The following RUFY3 variants were observed in gnomAD, a reference collection of about 807,000 sequenced individuals.
The protein encoded by RUFY3 is RUN and FYVE domain containing 3.
Under a neutral mutation model 84.0 loss-of-function variants are expected in RUFY3, and 34 were observed. The observed-to-expected ratio is 0.40, with a 90% CI of 0.31 to 0.54. The LOEUF (loss-of-function observed/expected upper bound fraction) is 0.54. Ranked by LOEUF, RUFY3 falls within the 20% of genes least tolerant of loss-of-function variation. RUFY3 has a pLI of 0.39. For missense variants in RUFY3, 507 were observed against 736.8 expected, an observed-to-expected ratio of 0.69 and a Z score of 3.61; for synonymous variants, 242 against 252.9, an observed-to-expected ratio of 0.96 and a Z score of 0.41.
intron 4 of RUFY3, among the ~76,000 whole-genome samples, chr4:70,766,886 T>G (rs1241675960): frequency 1.3e-5 from 2 of 152,206 alleles, no homozygotes; most frequent in Non-Finnish European, 2.9e-5. Context: ...GCTCCACCTA[T>G]TCATCTCTCT....
At position 70,800,124 on chromosome 4, in the gene RUFY3, C is replaced by T; in HGVS notation, c.1558-17C>T. 1 of 1,596,772 alleles carries T rather than the reference C, an allele frequency of 6.3e-7. No individual in the cohort carries two copies. Among genetic ancestry groups the T allele is most frequent in the Non-Finnish European group, 8.5e-7 (1 of 1,174,650 alleles). On this transcript the variant is annotated splice_polypyrimidine_tract_variant and intron_variant, in intron 14 of 17. Coordinates refer to ENST00000381006, the MANE Select transcript of RUFY3 (RefSeq NM_001037442.4). ...CATTCTGAATAATTAATAAATTGGG[C>T]TGTTTTCTTTTGGCAGGATGGGAAG...
chr4:70,730,694 G>A (rs1222223198), intron 1 of RUFY3, among the ~76,000 whole-genome samples: 2 of 152,056 alleles, frequency 1.3e-5, no homozygotes, highest in African/African-American at 4.8e-5. Flanking sequence ...AGCCGAGATT[G>A]CACCACCGCA....
At chr4:70,780,746 C>T (rs1007607151) in intron 8 of RUFY3, among the ~76,000 whole-genome samples, 11 of 152,206 alleles carry the variant, frequency 7.2e-5, no homozygotes, top group African/African-American at 2.4e-4. Context: ...CAGTACCTAA[C>T]ACATCATAAG....
Position 70,782,066 on chromosome 4 carries a change from A to C in RUFY3, c.895-1025A>C, listed in dbSNP as rs139838392. On this transcript the variant is annotated intron_variant, in intron 8 of 17. Transcript: ENST00000381006. ...TTTTAGCATGAGAACTTTGGAGTTC[A>C]TGTCTTTAATCTTTTAAGAAATCAT... Among the ~76,000 whole-genome samples, 75 of 152,262 alleles carry C rather than the reference A, an allele frequency of 4.9e-4. 1 individual carries two copies. The highest frequency in any genetic ancestry group is 1.7e-3 in the African/African-American group (72 of 41,550).
At chr4:70,778,573 CTTTTTTTTTTTT>C in intron 8 of RUFY3, 135 bp downstream of exon 8, 7 of 149,738 alleles carry the variant, frequency 4.7e-5, no homozygotes, top group South Asian at 2.1e-4. Flanking sequence ...ACTTCTTATT[CTTTTTTTTTTTT>C]TTTTTTTTTT....
At chr4:70,800,310 TTATAA>T in intron 15 of RUFY3, 105 bp downstream of exon 15, 1 of 730,402 alleles carries the variant, frequency 1.4e-6, no homozygotes, top group Non-Finnish European at 2.2e-6. Context: ...AGACACTGAC[TTATAA>T]TATTAATATG....
intron 4 of RUFY3, among the ~76,000 whole-genome samples, 185 bp downstream of exon 4, chr4:70,764,761 G>T (rs577099742): frequency 1.3e-5 from 2 of 152,258 alleles, no homozygotes; most frequent in South Asian, 4.1e-4. Flanking sequence ...TGTGTGTTCT[G>T]TCTGTCACTG....
chr4:70,725,391 C>T (rs1036088123), intron 1 of RUFY3, among the ~76,000 whole-genome samples: 7 of 150,458 alleles, frequency 4.7e-5, no homozygotes, highest in Non-Finnish European at 1.0e-4. Flanking sequence ...AGTGCAATGG[C>T]GCAATCTTGG....
chr4:70,796,914 G>T (rs1364918551), intron 14 of RUFY3, among the ~76,000 whole-genome samples: 2 of 151,220 alleles, frequency 1.3e-5, no homozygotes. Context: ...ATATTACTCT[G>T]ATAGGGGCTC....
upstream of RUFY3, chr4:70,721,924 G>A (rs1742348636): frequency 4.1e-6 from 5 of 1,231,614 alleles, no homozygotes; most frequent in African/African-American, 1.6e-5. Flanking sequence ...CTTGCCCTAC[G>A]TTCAGAGCAG....
intron 8 of RUFY3, among the ~76,000 whole-genome samples, chr4:70,778,730 C>T (rs1338451530): frequency 6.6e-6 from 1 of 152,002 alleles, no homozygotes; most frequent in Non-Finnish European, 1.5e-5. Context: ...CAGGCATACA[C>T]CACCACCCCG....
intron 1 of RUFY3, among the ~76,000 whole-genome samples, chr4:70,746,910 G>A (rs539110413): frequency 1.9e-4 from 29 of 152,336 alleles, no homozygotes; most frequent in South Asian, 1.9e-3. Context: ...GGGGCAAGGA[G>A]AGATGTGGGC....
Position 70,773,553 on chromosome 4 carries a change from A to T in RUFY3, c.739A>T (p.Ser247Cys). The T allele has an allele frequency of 6.2e-7, 1 of 1,611,244 alleles. No individual in the cohort carries two copies. ...TTCAATGTATCTCAAGGACGGGAAC[A>T]GCAGTAAAGGTACTGAAGGGTACGT... Reference protein sequence around the residue: ...DFSMYLKDGNSSKGTEGDGQI... With the variant: ...DFSMYLKDGNCSKGTEGDGQI... Residue 247 changes from serine (S) to cysteine (C), a missense_variant, in exon 6 of 18, where the codon AGC (serine) becomes TGC (cysteine). Physicochemically the swap from Ser to Cys is moderately radical, Grantham distance 112. Transcript: ENST00000381006.
At chr4:70,754,742 C>G (rs188170044) in intron 1 of RUFY3, among the ~76,000 whole-genome samples, 17 of 152,094 alleles carry the variant, frequency 1.1e-4, no homozygotes, top group African/African-American at 3.9e-4. Context: ...ATCAAGGACT[C>G]ATTTTCTGTC....
intron 12 of RUFY3, chr4:70,793,564 C>T: frequency 1.4e-6 from 2 of 1,417,242 alleles, no homozygotes; most frequent in Non-Finnish European, 1.8e-6. Flanking sequence ...ATCAGCTTTT[C>T]CTCTGCCTGG....
Position 70,808,345 on chromosome 4 carries a change from A to C in RUFY3, c.*1686A>C, listed in dbSNP as rs1202584087. On this transcript the variant is annotated 3_prime_UTR_variant, in exon 18 of 18. Transcript: ENST00000381006. ...AAAAGAGGGAAGTGTATTGAGCAAG[A>C]GAAGGCAAAAAACATTACATAATAT... Among the ~76,000 whole-genome samples, 1 of 152,236 alleles carries C rather than the reference A, an allele frequency of 6.6e-6. No homozygotes were observed. Among genetic ancestry groups the C allele is most frequent in the Non-Finnish European group, 1.5e-5 (1 of 68,038 alleles).
intron 5 of RUFY3, among the ~76,000 whole-genome samples, chr4:70,769,783 C>T (rs1726645834): frequency 6.6e-6 from 1 of 152,084 alleles, no homozygotes; most frequent in Non-Finnish European, 1.5e-5. Context: ...AACAGATGTG[C>T]TGTCTTTGTT....
At chr4:70,787,215 A>ATATAT in intron 10 of RUFY3, among the ~76,000 whole-genome samples, 1 of 122,410 alleles carries the variant, frequency 8.2e-6, no homozygotes, top group South Asian at 2.8e-4. Context: ...TATATATATA[A>ATATAT]AAACAAATTG....
chr4:70,792,039 A>G, intron 12 of RUFY3: 8 of 985,476 alleles, frequency 8.1e-6, no homozygotes, highest in Non-Finnish European at 9.6e-6. Context: ...CATGTTTGTC[A>G]TCTTCTACCT....
Sources: gnomAD v4.1 joint callset for allele counts (sites outside exome capture counted in the v4.1 genomes callset) on GRCh38, gnomAD v4.1.1 for gene constraint, MANE v1.5 for transcripts, NCBI Gene and HGNC (gene_info 2026-07-23, HGNC 2026-07-21) for gene names.